The following AP1AR variants were observed in gnomAD, a reference collection of about 807,000 sequenced individuals.
The protein encoded by AP1AR is adaptor related protein complex 1 associated regulatory protein, also known as AP-1 complex-associated regulatory protein.
Under a neutral mutation model 46.3 loss-of-function variants are expected in AP1AR, and 29 were observed. The observed-to-expected ratio is 0.63, with a 90% CI of 0.47 to 0.85. The LOEUF is 0.85. AP1AR is among the 40% of genes least tolerant of loss of function. The pLI is 0.00. For missense variants in AP1AR, 357 were observed against 356.3 expected (o/e 1.00, Z -0.02); for synonymous variants, 122 against 122.9 (o/e 0.99, Z 0.05).
chr4:112,259,512 G>A (rs1247710495), intron 4 of AP1AR, among the ~76,000 whole-genome samples: 1 of 152,198 alleles, frequency 6.6e-6, no homozygotes, highest in Admixed American at 6.5e-5. Flanking sequence ...CAGGCACATA[G>A]TAAGTGCTAG....
intron 1 of AP1AR, among the ~76,000 whole-genome samples, chr4:112,251,516 C>A (rs1389089378): frequency 6.6e-6 from 1 of 152,194 alleles, no homozygotes; most frequent in Non-Finnish European, 1.5e-5. Flanking sequence ...GATAGTATTA[C>A]TGGGCTTTAT....
At chr4:112,234,800 A>G (rs1725172159) in intron 1 of AP1AR, among the ~76,000 whole-genome samples, 1 of 152,186 alleles carries the variant, frequency 6.6e-6, no homozygotes, top group Non-Finnish European at 1.5e-5. Flanking sequence ...TGACCACAAA[A>G]GAAGAGGGTG....
At chr4:112,238,129 A>G (rs1725332162) in intron 1 of AP1AR, among the ~76,000 whole-genome samples, 1 of 152,276 alleles carries the variant, frequency 6.6e-6, no homozygotes, top group African/African-American at 2.4e-5. Flanking sequence ...CATAGTTGCC[A>G]ACTCCTGGTA....
chr4:112,234,108 C>T (rs534590930), intron 1 of AP1AR, among the ~76,000 whole-genome samples: 2 of 152,340 alleles, frequency 1.3e-5, no homozygotes, highest in East Asian at 1.9e-4. Flanking sequence ...ATTCGCCAGC[C>T]TTGGCCTCCC....
At chr4:112,232,211 T>A in intron 1 of AP1AR, 37 bp downstream of exon 1, 1 of 1,258,330 alleles carries the variant, frequency 7.9e-7, no homozygotes, top group Middle Eastern at 3.1e-4. Context: ...CCCCCGTGGC[T>A]CCTCCTCTTC....
At chr4:112,261,574 T>A (rs904702421) in intron 5 of AP1AR, among the ~76,000 whole-genome samples, 12 of 152,254 alleles carry the variant, frequency 7.9e-5, no homozygotes, top group African/African-American at 2.7e-4. Flanking sequence ...TTATTTAATG[T>A]GTTTATTGAA....
intron 1 of AP1AR, among the ~76,000 whole-genome samples, chr4:112,249,431 G>T (rs1725859596): frequency 6.6e-6 from 1 of 151,346 alleles, no homozygotes; most frequent in Admixed American, 6.6e-5. Context: ...AGGCCGAGGT[G>T]GGTGGATCAC....
chr4:112,253,415 A>T, intron 2 of AP1AR, 159 bp downstream of exon 2: 1 of 615,800 alleles, frequency 1.6e-6, no homozygotes, highest in Non-Finnish European at 2.8e-6. Flanking sequence ...TGGAGCAGTG[A>T]GGGAAGGAAT....
At chr4:112,244,315 CA>C (rs1412823666) in intron 1 of AP1AR, among the ~76,000 whole-genome samples, 2 of 152,196 alleles carry the variant, frequency 1.3e-5, no homozygotes, top group African/African-American at 4.8e-5. Context: ...AGCAAAGAGC[CA>C]TAAAGAGCCC....
intron 1 of AP1AR, among the ~76,000 whole-genome samples, chr4:112,240,240 T>C (rs547542233): frequency 3.3e-5 from 5 of 152,340 alleles, no homozygotes; most frequent in African/African-American, 1.2e-4. Context: ...CACTTTTCCT[T>C]GAATCTATTT....
At chr4:112,262,939 TAGAC>T (rs374403722) in intron 5 of AP1AR, 45 bp from the exon 6 acceptor site, 64 of 1,277,974 alleles carry the variant, frequency 5.0e-5, no homozygotes, top group East Asian at 2.8e-4. Context: ...TTAGAGCAGT[TAGAC>T]AGGTTCTGAT....
chr4:112,244,601 G>A (rs1725644668), intron 1 of AP1AR, among the ~76,000 whole-genome samples: 1 of 152,098 alleles, frequency 6.6e-6, no homozygotes. Context: ...CTAGTTCAGG[G>A]GCTCATAACC....
intron 3 of AP1AR, among the ~76,000 whole-genome samples, chr4:112,255,077 A>G (rs1170522977): frequency 6.6e-6 from 1 of 151,458 alleles, no homozygotes; most frequent in Admixed American, 6.6e-5. Flanking sequence ...CTCCTGCCTC[A>G]GCCTCCCAAG....
intron 1 of AP1AR, among the ~76,000 whole-genome samples, chr4:112,240,434 T>A (rs1229342949): frequency 2.6e-5 from 4 of 152,226 alleles, no homozygotes; most frequent in Admixed American, 2.6e-4. Flanking sequence ...TGATATAGTG[T>A]GATTATTTGG....
intron 1 of AP1AR, among the ~76,000 whole-genome samples, chr4:112,248,945 T>A (rs1385586934): frequency 1.3e-5 from 2 of 152,126 alleles, no homozygotes; most frequent in African/African-American, 4.8e-5. Flanking sequence ...TTCCTTGGGG[T>A]CTTTGTTCTG....
intron 4 of AP1AR, among the ~76,000 whole-genome samples, chr4:112,258,234 C>T (rs982977053): frequency 6.6e-6 from 1 of 152,034 alleles, no homozygotes; most frequent in Non-Finnish European, 1.5e-5. Context: ...GCATGTGTTA[C>T]TTGAAGTATC....
In AP1AR at chr4:112,271,479, G is replaced by A. The variant is rs78789075; in HGVS notation, c.*3070G>A. Reference sequence around the variant, plus strand: ...ATCCAGGGATGTCCCTAAGGACCAGGTATACAGGGAGCTGACTCCATCCTG... The same window carrying A: ...ATCCAGGGATGTCCCTAAGGACCAGATATACAGGGAGCTGACTCCATCCTG... On this transcript the variant is annotated 3_prime_UTR_variant, in exon 10 of 10. Coordinates refer to ENST00000274000, the MANE Select transcript of AP1AR (RefSeq NM_018569.6). Among the ~76,000 whole-genome samples the A allele has an allele frequency of 7.9e-5, 12 of 152,208 alleles. No individual in the cohort carries two copies. The highest frequency in any genetic ancestry group is 2.9e-4 in the African/African-American group (12 of 41,444).
chr4:112,263,503 T>C (rs1726543853), intron 6 of AP1AR, among the ~76,000 whole-genome samples: 1 of 152,036 alleles, frequency 6.6e-6, no homozygotes, highest in Non-Finnish European at 1.5e-5. Flanking sequence ...TGCTAGAATT[T>C]CTTTTTTTCC....
intron 1 of AP1AR, among the ~76,000 whole-genome samples, chr4:112,243,742 T>G (rs1249257631): frequency 6.6e-6 from 1 of 152,136 alleles, no homozygotes; most frequent in Non-Finnish European, 1.5e-5. Flanking sequence ...ACAAACTACC[T>G]CAATTTGTGC....
Sources: gnomAD v4.1 joint callset for allele counts (sites outside exome capture counted in the v4.1 genomes callset) on GRCh38, gnomAD v4.1.1 for gene constraint, MANE v1.5 for transcripts, NCBI Gene and HGNC (gene_info 2026-07-23, HGNC 2026-07-21) for gene names.